Variants in OTUD7A observed in about 807,000 individuals in gnomAD.
The protein encoded by OTUD7A is OTU domain-containing protein 7A.
OTUD7A carries 12 observed loss-of-function variants against 65.7 expected under a neutral mutation model. The ratio of observed to expected loss-of-function variants is 0.18; its 90% CI spans 0.12 to 0.30. The LOEUF is 0.30. Among genes scored for constraint, OTUD7A ranks in the 10% least tolerant of loss-of-function variants. The pLI is 1.00. For missense variants in OTUD7A, 1,148 were observed against 1,304.8 expected (o/e 0.88, Z 1.85); for synonymous variants, 641 against 586.3 (o/e 1.09, Z -1.35).
At chr15:31,590,144 A>T (rs1889675839) in intron 3 of OTUD7A, among the ~76,000 whole-genome samples, 1 of 152,230 alleles carries the variant, frequency 6.6e-6, no homozygotes, top group Non-Finnish European at 1.5e-5. Context: ...CAGCTTTTGT[A>T]ACTTCATAGT....
chr15:31,731,404 G>A (rs1416664885), intron 1 of OTUD7A, among the ~76,000 whole-genome samples: 1 of 152,148 alleles, frequency 6.6e-6, no homozygotes, highest in Non-Finnish European at 1.5e-5. Context: ...AAGAAATGGG[G>A]TATAAGGCCA....
intron 1 of OTUD7A, among the ~76,000 whole-genome samples, chr15:31,697,002 T>G (rs2141323951): frequency 6.6e-6 from 1 of 151,470 alleles, no homozygotes; most frequent in Non-Finnish European, 1.5e-5. Flanking sequence ...CTAAAATGTG[T>G]TCAAGTTTCC....
intron 1 of OTUD7A, among the ~76,000 whole-genome samples, chr15:31,864,291 C>T (rs1897820876): frequency 6.6e-6 from 1 of 152,194 alleles, no homozygotes; most frequent in Non-Finnish European, 1.5e-5. Flanking sequence ...TTTCGAGTAT[C>T]TTTTCAGCAA....
chr15:31,624,799 C>A (rs1204978066), intron 3 of OTUD7A, among the ~76,000 whole-genome samples: 1 of 152,140 alleles, frequency 6.6e-6, no homozygotes, highest in African/African-American at 2.4e-5. Flanking sequence ...CAGCAAACTG[C>A]ACAGAAACAC....
rs535961641 is a variant in OTUD7A, at chr15:31,566,071, G to A, written c.331+3947C>T. ...GCTAGGCGTGGTGGCGGGTGCCTGT[G>A]TCCCAGTTACTCGGGAGGCTGAAGC... On this transcript the variant is annotated intron_variant, in intron 4 of 12. Coordinates refer to ENST00000307050, the MANE Select transcript of OTUD7A (RefSeq NM_001382637.1). Among the ~76,000 whole-genome samples, 7 of 151,816 alleles carry A rather than the reference G, an allele frequency of 4.6e-5. No homozygotes were observed. The South Asian group carries it at 1.3e-3, about 27-fold the overall frequency.
intron 3 of OTUD7A, among the ~76,000 whole-genome samples, chr15:31,580,718 G>T (rs1595626026): frequency 6.6e-6 from 1 of 152,168 alleles, no homozygotes; most frequent in East Asian, 1.9e-4. Flanking sequence ...ATCAGATCTT[G>T]TGAGACTTAT....
At chr15:31,659,084 A>G (rs550417295) in intron 1 of OTUD7A, among the ~76,000 whole-genome samples, 5 of 139,818 alleles carry the variant, frequency 3.6e-5, no homozygotes, top group African/African-American at 1.6e-4. Context: ...AATAAATAAA[A>G]TAAAATTAAA....
At chr15:31,801,500 G>A (rs547985852) in intron 1 of OTUD7A, among the ~76,000 whole-genome samples, 6 of 152,314 alleles carry the variant, frequency 3.9e-5, no homozygotes, top group African/African-American at 9.6e-5. Flanking sequence ...GGCCAGCAGC[G>A]GGCACATCAC....
intron 1 of OTUD7A, among the ~76,000 whole-genome samples, chr15:31,700,024 C>G (rs1239242817): frequency 6.6e-6 from 1 of 151,150 alleles, no homozygotes; most frequent in African/African-American, 2.4e-5. Flanking sequence ...GATTCCATCC[C>G]TACCACCTGA....
intron 1 of OTUD7A, among the ~76,000 whole-genome samples, chr15:31,753,700 TATTA>T (rs1161816744): frequency 0.1 from 1,772 of 17,368 alleles, 114 homozygotes; most frequent in African/African-American, 0.22. Context: ...TATATATATA[TATTA>T]TATATATATA....
Position 31,860,677 on chromosome 15 carries a change from G to GTATA in OTUD7A, c.-100+9826_-100+9829dup, listed in dbSNP as rs1555425282. 2.1e-3 allele frequency among the ~76,000 whole-genome samples: 153 copies of GTATA among 73,286 alleles called. 5 individuals carry two copies. The highest frequency in any genetic ancestry group is 5.9e-3 in the African/African-American group (128 of 21,636). 48.1% of individuals were successfully genotyped at this position (73,286 alleles called of 152,430 possible). On this transcript the variant is annotated intron_variant, in intron 1 of 12. Transcript: ENST00000307050. ...TGTGTGTATATATAGATGTATGTGT[G>GTATA]TATATATATATATATATATATATGT...
At chr15:31,581,031 A>G (rs146722421) in intron 3 of OTUD7A, among the ~76,000 whole-genome samples, 94 of 152,322 alleles carry the variant, frequency 6.2e-4, no homozygotes, top group African/African-American at 2.1e-3. Flanking sequence ...TAAAATCAAT[A>G]GCAAGTTGGT....
At chr15:31,580,917 C>T (rs977275913) in intron 3 of OTUD7A, among the ~76,000 whole-genome samples, 1 of 152,142 alleles carries the variant, frequency 6.6e-6, no homozygotes, top group Admixed American at 6.5e-5. Flanking sequence ...AATTATCATC[C>T]CTTCCCAACA....
chr15:31,535,126 A>C (rs2141128104), intron 5 of OTUD7A, among the ~76,000 whole-genome samples: 1 of 152,260 alleles, frequency 6.6e-6, no homozygotes, highest in Non-Finnish European at 1.5e-5. Context: ...ACATACTCTG[A>C]TATCGGTTTG....
chr15:31,551,831 A>G (rs2141147637), intron 5 of OTUD7A, among the ~76,000 whole-genome samples: 1 of 152,288 alleles, frequency 6.6e-6, no homozygotes, highest in African/African-American at 2.4e-5. Flanking sequence ...AGCTCCTGCC[A>G]TGGGACTGCG....
chr15:31,625,411 T>TAA lies in OTUD7A; in HGVS notation c.151+29683_151+29684dup, dbSNP rs796492835. Among the ~76,000 whole-genome samples, 30 of 139,390 alleles carry TAA rather than the reference T, an allele frequency of 2.2e-4. No individual in the cohort carries two copies. The East Asian group carries it at 5.5e-3, about 26-fold the overall frequency. The allele number at this position is 139,390 out of a possible 152,430, so 91.4% of individuals were successfully genotyped here. Reference sequence around the variant, plus strand: ...AGACTTCGACTAAACATTCCTGATTTAAAAAAAAAAAAAAAGAACTGCAAT... The same window carrying TAA: ...AGACTTCGACTAAACATTCCTGATTTAAAAAAAAAAAAAAAAAGAACTGCAAT... On this transcript the variant is annotated intron_variant, in intron 3 of 12. Transcript: ENST00000307050.
At chr15:31,643,965 C>T (rs981677653) in intron 3 of OTUD7A, among the ~76,000 whole-genome samples, 6 of 152,072 alleles carry the variant, frequency 3.9e-5, no homozygotes, top group South Asian at 2.1e-4. Flanking sequence ...GGAGCTTGCA[C>T]GGGGGGATGC....
At chr15:31,857,988 G>A (rs1897620729) in intron 1 of OTUD7A, among the ~76,000 whole-genome samples, 1 of 152,184 alleles carries the variant, frequency 6.6e-6, no homozygotes, top group African/African-American at 2.4e-5. Flanking sequence ...ACTTTACGAA[G>A]AACGCATGGT....
Position 31,868,986 on chromosome 15 carries a change from A to C in OTUD7A, c.-100+1521T>G, listed in dbSNP as rs79196154. Among the ~76,000 whole-genome samples, 1,514 of 152,334 alleles carry C rather than the reference A, an allele frequency of 9.9e-3. 27 individuals carry two copies. The highest frequency in any genetic ancestry group is 0.035 in the African/African-American group (1,458 of 41,558). ...TAACAATTTAAGGCATGCTTATTTT[A>C]ACCAATTAGGAGGTGTCATTAATTA... On this transcript the variant is annotated intron_variant, in intron 1 of 12. Transcript: ENST00000307050.
Sources: allele counts gnomAD v4.1 joint callset (sites outside exome capture counted in the v4.1 genomes callset), GRCh38; gene constraint gnomAD v4.1.1; transcripts MANE v1.5; gene names NCBI Gene and HGNC (gene_info 2026-07-23, HGNC 2026-07-21).